The following MARCHF1 variants were observed in gnomAD, a reference collection of about 807,000 sequenced individuals.
MARCHF1 encodes E3 ubiquitin-protein ligase MARCHF1.
Under a neutral mutation model 54.2 loss-of-function variants are expected in MARCHF1, and 40 were observed. That is an observed-to-expected ratio of 0.74 (90% CI 0.57 to 0.96). The LOEUF (loss-of-function observed/expected upper bound fraction) is 0.96, where lower values mean the gene tolerates loss of function less well. Ranked by LOEUF, MARCHF1 falls within the 40% of genes least tolerant of loss-of-function variation. The pLI, the probability that MARCHF1 is intolerant of heterozygous loss-of-function variation, is 0.00. For synonymous variants in MARCHF1, 236 were observed against 236.3 expected (o/e 1.00, Z 0.01); for missense variants, 586 against 656.5 (o/e 0.89, Z 1.17).
At chr4:163,856,105 C>T (rs1291111326) in intron 3 of MARCHF1, among the ~76,000 whole-genome samples, 8 of 152,150 alleles carry the variant, frequency 5.3e-5, no homozygotes, top group Non-Finnish European at 1.0e-4. Flanking sequence ...TTCCTTGAAG[C>T]TGGCCTGTGC....
At chr4:163,779,902 T>A (rs1747415140) in intron 4 of MARCHF1, among the ~76,000 whole-genome samples, 1 of 152,164 alleles carries the variant, frequency 6.6e-6, no homozygotes, top group Non-Finnish European at 1.5e-5. Context: ...TATTTCATAA[T>A]TAACACAGCA....
chr4:164,296,279 C>T (rs1312193144), intron 1 of MARCHF1, among the ~76,000 whole-genome samples: 1 of 152,224 alleles, frequency 6.6e-6, no homozygotes, highest in East Asian at 1.9e-4. Context: ...ATTTCTCCTA[C>T]ATCTGTGATA....
chr4:164,040,055 A>T (rs975483989), intron 2 of MARCHF1, among the ~76,000 whole-genome samples: 1 of 146,766 alleles, frequency 6.8e-6, no homozygotes, highest in East Asian at 2.0e-4. Flanking sequence ...ATTTATATAT[A>T]CAAATTATAT....
At chr4:163,918,276 T>C (rs1352946831) in intron 3 of MARCHF1, among the ~76,000 whole-genome samples, 1 of 152,148 alleles carries the variant, frequency 6.6e-6, no homozygotes, top group Non-Finnish European at 1.5e-5. Context: ...TTCTTTTGAG[T>C]TGCAAAGACT....
intron 1 of MARCHF1, among the ~76,000 whole-genome samples, chr4:164,284,319 TGAGAGAGAGAGAGACAGA>T (rs1385736335): frequency 3.2e-5 from 4 of 126,072 alleles, no homozygotes; most frequent in African/African-American, 1.0e-4. Context: ...CTAAAGAAAG[TGAGAGAGAGAGAGACAGA>T]GAGAGAGAGA....
chr4:163,869,197 C>A (rs1041732027), intron 3 of MARCHF1, among the ~76,000 whole-genome samples: 16 of 151,734 alleles, frequency 1.1e-4, no homozygotes, highest in African/African-American at 3.9e-4. Context: ...AGTTTGGTAA[C>A]ATTTAGGTGT....
At chr4:163,939,379 C>T (rs1305971475) in intron 3 of MARCHF1, among the ~76,000 whole-genome samples, 1 of 152,158 alleles carries the variant, frequency 6.6e-6, no homozygotes, top group Non-Finnish European at 1.5e-5. Context: ...ATGCAGATGA[C>T]TTATTTGATA....
chr4:163,731,725 T>G (rs1745836286), intron 4 of MARCHF1, among the ~76,000 whole-genome samples: 1 of 152,166 alleles, frequency 6.6e-6, no homozygotes, highest in Admixed American at 6.5e-5. Flanking sequence ...TCAAAAGGAT[T>G]AGTAGACACA....
rs1006935060 is a variant in MARCHF1, at chr4:163,700,969, T to C, written c.112-106A>G. ...AGCACAAGGAAATCTGTGAATGCTC[T>C]CTATATTGTTTTGACTAATACACAT... On this transcript the variant is annotated intron_variant, in intron 4 of 9. Coordinates refer to ENST00000514618, the MANE Select transcript of MARCHF1 (RefSeq NM_001394959.1). 80 of 749,726 alleles carry C rather than the reference T, an allele frequency of 1.1e-4. No homozygotes were observed. In the East Asian group the frequency reaches 2.0e-3, roughly 19 times the overall value. 46.4% of individuals were successfully genotyped at this position (749,726 alleles called of 1,614,324 possible).
intron 4 of MARCHF1, among the ~76,000 whole-genome samples, chr4:163,803,555 T>G (rs1748142857): frequency 6.6e-6 from 1 of 151,690 alleles, no homozygotes; most frequent in South Asian, 2.1e-4. Flanking sequence ...TTAAATGCTT[T>G]AGCTTTGCAA....
intron 8 of MARCHF1, among the ~76,000 whole-genome samples, chr4:163,557,957 C>A (rs928857313): frequency 6.6e-6 from 1 of 152,070 alleles, no homozygotes; most frequent in African/African-American, 2.4e-5. Context: ...TTTAATATTC[C>A]CATTTAAACA....
At chr4:163,853,630 C>A (rs115206448) in intron 4 of MARCHF1, among the ~76,000 whole-genome samples, 2 of 152,146 alleles carry the variant, frequency 1.3e-5, no homozygotes, top group Admixed American at 6.6e-5. Flanking sequence ...TAGAAAAATA[C>A]AGAAAGTAGG....
rs184483119 is a variant in MARCHF1, at chr4:164,101,095, C to G, written c.-248+10493G>C. 6.9e-4 allele frequency among the ~76,000 whole-genome samples: 105 copies of G among 152,370 alleles called. 1 individual carries two copies. The East Asian group carries it at 0.02, about 29-fold the overall frequency. Reference sequence around the variant, plus strand: ...TGCACCACAAGATTATATCCCGCACCTGGCTCGGAGGGTCCTACGCCCACG... The same window carrying G: ...TGCACCACAAGATTATATCCCGCACGTGGCTCGGAGGGTCCTACGCCCACG... On this transcript the variant is annotated intron_variant, in intron 2 of 9. Coordinates refer to ENST00000514618, the MANE Select transcript of MARCHF1 (RefSeq NM_001394959.1).
chr4:163,925,931 T>G (rs1751527013), intron 3 of MARCHF1, among the ~76,000 whole-genome samples: 1 of 151,716 alleles, frequency 6.6e-6, no homozygotes, highest in Admixed American at 6.6e-5. Context: ...TTTCTCCCCT[T>G]CCAGGAAGTA....
chr4:163,585,666 C>A, intron 8 of MARCHF1, 83 bp downstream of exon 8: 2 of 1,119,908 alleles, frequency 1.8e-6, no homozygotes, highest in Non-Finnish European at 2.5e-6. Flanking sequence ...TTAGGAGAAT[C>A]GTATTGGCAA....
At chr4:163,840,490 C>G (rs1194363769) in intron 4 of MARCHF1, among the ~76,000 whole-genome samples, 1 of 152,028 alleles carries the variant, frequency 6.6e-6, no homozygotes. Flanking sequence ...TCCCAGCACT[C>G]AGGTAGTGAG....
At chr4:164,106,632 G>A (rs1041723830) in intron 2 of MARCHF1, among the ~76,000 whole-genome samples, 14 of 148,278 alleles carry the variant, frequency 9.4e-5, no homozygotes, top group African/African-American at 3.5e-4. Flanking sequence ...AGGGGGAGGG[G>A]GGAGGGATAA....
At chr4:163,536,570 A>T (rs936250030) in intron 9 of MARCHF1, among the ~76,000 whole-genome samples, 2 of 152,104 alleles carry the variant, frequency 1.3e-5, no homozygotes, top group Non-Finnish European at 2.9e-5. Flanking sequence ...TCTGGGCTGG[A>T]CTTTGTTTTC....
intron 5 of MARCHF1, among the ~76,000 whole-genome samples, chr4:163,690,928 G>A (rs192811729): frequency 1.1e-4 from 16 of 152,278 alleles, no homozygotes; most frequent in African/African-American, 3.6e-4. Context: ...TAAACCTGCA[G>A]AGCCCAAAGC....
Sources: allele counts gnomAD v4.1 joint callset (sites outside exome capture counted in the v4.1 genomes callset), GRCh38; gene constraint gnomAD v4.1.1; transcripts MANE v1.5; gene names NCBI Gene and HGNC (gene_info 2026-07-23, HGNC 2026-07-21).